Variants in STK33 observed in about 807,000 individuals in gnomAD.
The protein encoded by STK33 is serine/threonine kinase 33.
STK33 carries 52 observed loss-of-function variants against 58.0 expected under a neutral mutation model. The ratio of observed to expected loss-of-function variants is 0.90; its 90% CI spans 0.72 to 1.13. STK33 has a LOEUF of 1.13. Ranked by LOEUF, STK33 falls within the 50% of genes most tolerant of loss-of-function variation. STK33 has a pLI of 0.00. For missense variants in STK33, 630 were observed against 604.2 expected (o/e 1.04, Z -0.45); for synonymous variants, 215 against 200.1 (o/e 1.07, Z -0.63).
intron 1 of STK33, among the ~76,000 whole-genome samples, chr11:8,547,127 ATTG>A (rs1955983346): frequency 6.6e-6 from 1 of 152,108 alleles, no homozygotes. Context: ...AAAATATCAC[ATTG>A]TTGTTTTGAT....
chr11:8,589,392 G>C (rs1388592216), intron 1 of STK33, among the ~76,000 whole-genome samples: 2 of 152,116 alleles, frequency 1.3e-5, no homozygotes, highest in Non-Finnish European at 2.9e-5. Flanking sequence ...CATGCTAAGG[G>C]AAAGAAGTCA....
chr11:8,448,911 T>C (rs1945883354), intron 11 of STK33, among the ~76,000 whole-genome samples: 1 of 148,658 alleles, frequency 6.7e-6, no homozygotes. Flanking sequence ...ATCCAGAATC[T>C]ACAATGAACT....
In STK33 at chr11:8,397,295, G is replaced by A. The variant is rs534787390; in HGVS notation, c.1345-4585C>T. ...GAGGAATGATCAGGCAGCAACATTT[G>A]CTGTTCACCAATATCCGCTGTTCTG... On this transcript the variant is annotated intron_variant, in intron 15 of 15. Coordinates refer to ENST00000687296, the MANE Select transcript of STK33 (RefSeq NM_001352389.2). Among the ~76,000 whole-genome samples, 6 of 152,320 alleles carry A rather than the reference G, an allele frequency of 3.9e-5. No individual in the cohort carries two copies. The South Asian group carries it at 1.0e-3, about 26-fold the overall frequency.
intron 15 of STK33, among the ~76,000 whole-genome samples, chr11:8,398,722 A>C (rs1449578265): frequency 6.6e-6 from 1 of 152,000 alleles, no homozygotes; most frequent in Admixed American, 6.6e-5. Flanking sequence ...AACTCATCTC[A>C]CGTGCAGAGA....
the STK33 span, among the ~76,000 whole-genome samples, chr11:8,353,354 G>C: frequency 1.3e-3 from 200 of 152,294 alleles, 1 homozygote; most frequent in African/African-American, 4.8e-3. Flanking sequence ...GCTGGGAGCA[G>C]TTGTCAAAGC....
Position 8,508,915 on chromosome 11 carries a change from G to A in STK33, c.-465-28301C>T, listed in dbSNP as rs546529115. Reference sequence around the variant, plus strand: ...GCAGATCACCTGAGATCGAGAGTTCGAGACCAGCCTGACCAACATAGAGGA... The same window carrying A: ...GCAGATCACCTGAGATCGAGAGTTCAAGACCAGCCTGACCAACATAGAGGA... On this transcript the variant is annotated intron_variant, in intron 1 of 15. Transcript: ENST00000687296. Among the ~76,000 whole-genome samples, 33 of 152,070 alleles carry A rather than the reference G, an allele frequency of 2.2e-4. 1 individual carries two copies. Among genetic ancestry groups the A allele is most frequent in the African/African-American group, 7.2e-4 (30 of 41,488 alleles).
intron 7 of STK33, among the ~76,000 whole-genome samples, chr11:8,462,287 T>A (rs1404144039): frequency 6.6e-6 from 1 of 151,842 alleles, no homozygotes; most frequent in African/African-American, 2.4e-5. Context: ...CCCTTGATGT[T>A]AGCATAATAA....
At chr11:8,398,379 A>G (rs1590732897) in intron 15 of STK33, among the ~76,000 whole-genome samples, 2 of 152,180 alleles carry the variant, frequency 1.3e-5, no homozygotes, top group Non-Finnish European at 2.9e-5. Flanking sequence ...TAAGTGAAAG[A>G]GAAATAAAAT....
intron 1 of STK33, among the ~76,000 whole-genome samples, chr11:8,562,396 T>C (rs1007609588): frequency 6.6e-6 from 1 of 152,196 alleles, no homozygotes; most frequent in South Asian, 2.1e-4. Flanking sequence ...ACTGGCTTCC[T>C]TGGGGATTTT....
intron 13 of STK33, 86 bp downstream of exon 13, chr11:8,435,941 C>G: frequency 1.5e-6 from 1 of 675,272 alleles, no homozygotes; most frequent in Non-Finnish European, 2.2e-6. Flanking sequence ...AATGACTAAA[C>G]AGAGATTTAA....
intron 1 of STK33, among the ~76,000 whole-genome samples, chr11:8,517,506 G>T (rs1015815832): frequency 6.6e-6 from 1 of 152,216 alleles, no homozygotes; most frequent in Admixed American, 6.5e-5. Flanking sequence ...GTTGAGAGAA[G>T]AAGGCTTCAG....
In STK33 at chr11:8,594,153, T is replaced by C. The variant is rs1242024321; in HGVS notation, c.-536A>G. The C allele has an allele frequency of 6.6e-6, 1 of 152,300 alleles. No individual in the cohort carries two copies. Among genetic ancestry groups the C allele is most frequent in the Admixed American group, 6.5e-5 (1 of 15,288 alleles). 9.4% of individuals were successfully genotyped at this position (152,300 alleles called of 1,614,324 possible). ...CGCAGGCTGTCGCTGAGCCCGGAAT[T>C]CTGCACCGGGAGAAACTTTTCAGCC... On this transcript the variant is annotated 5_prime_UTR_variant, in exon 1 of 16. Transcript: ENST00000687296.
At chr11:8,497,235 T>C (rs971009672) in intron 1 of STK33, among the ~76,000 whole-genome samples, 4 of 152,144 alleles carry the variant, frequency 2.6e-5, no homozygotes, top group African/African-American at 9.7e-5. Flanking sequence ...AACATTAGTC[T>C]GCACATCCAA....
At position 8,588,708 on chromosome 11, in the gene STK33, T is replaced by G. The variant is rs1447781184; in HGVS notation, c.-466+5375A>C. Among the ~76,000 whole-genome samples, 3 of 152,266 alleles carry G rather than the reference T, an allele frequency of 2.0e-5. No individual in the cohort carries two copies. The East Asian group carries it at 5.8e-4, about 29-fold the overall frequency. On this transcript the variant is annotated intron_variant, in intron 1 of 15. Transcript: ENST00000687296. ...AAAATTTTTGTGCTTCAAGGAACAC[T>G]ACCAAGGAGGTAAAAAGACAATCTA...
the STK33 span, among the ~76,000 whole-genome samples, chr11:8,368,671 T>C: frequency 4.6e-5 from 7 of 152,372 alleles, no homozygotes; most frequent in East Asian, 1.3e-3. Flanking sequence ...GGCAGGTTCT[T>C]GCCTCCCCTT....
chr11:8,407,689 A>T (rs1181400037), intron 15 of STK33, among the ~76,000 whole-genome samples: 4 of 151,142 alleles, frequency 2.6e-5, no homozygotes, highest in Non-Finnish European at 5.9e-5. Context: ...AAAAAAAAAG[A>T]TTAAAAAATG....
At chr11:8,456,507 C>G (rs181952037) in intron 9 of STK33, among the ~76,000 whole-genome samples, 3 of 152,162 alleles carry the variant, frequency 2.0e-5, no homozygotes, top group African/African-American at 7.2e-5. Flanking sequence ...AGTAGGTGCT[C>G]GGGAACTATC....
At chr11:8,507,925 C>T (rs1951994218) in intron 1 of STK33, among the ~76,000 whole-genome samples, 1 of 152,226 alleles carries the variant, frequency 6.6e-6, no homozygotes, top group Non-Finnish European at 1.5e-5. Context: ...GAGTCTCACT[C>T]TGTCGCCCAT....
At chr11:8,532,117 C>T (rs1337613744) in intron 1 of STK33, among the ~76,000 whole-genome samples, 1 of 152,222 alleles carries the variant, frequency 6.6e-6, no homozygotes, top group Non-Finnish European at 1.5e-5. Context: ...AGCTAATAAA[C>T]ACACATTCCT....
Sources: gnomAD v4.1 joint callset for allele counts (sites outside exome capture counted in the v4.1 genomes callset) on GRCh38, gnomAD v4.1.1 for gene constraint, MANE v1.5 for transcripts, NCBI Gene and HGNC (gene_info 2026-07-23, HGNC 2026-07-21) for gene names.